IFT56: variants seen among roughly 807,000 people sequenced by gnomAD.
IFT56 encodes intraflagellar transport 56.
At chr7:139,177,611 AGTGTGT>A in the IFT56 span, among the ~76,000 whole-genome samples, 1 of 148,590 alleles carries the variant, frequency 6.7e-6, no homozygotes, top group South Asian at 2.1e-4. Context: ...ATATATATAT[AGTGTGT>A]GTGTGTGTGT....
At chr7:139,164,463 C>CA in the IFT56 span, among the ~76,000 whole-genome samples, 2 of 152,120 alleles carry the variant, frequency 1.3e-5, no homozygotes, top group Non-Finnish European at 2.9e-5. Flanking sequence ...GAGAAGTACA[C>CA]AATAAGGGTT....
At chr7:139,133,782 C>A in the IFT56 span, 2 of 1,599,344 alleles carry the variant, frequency 1.3e-6, no homozygotes, top group African/African-American at 1.3e-5. Flanking sequence ...GGAGACAGAA[C>A]GTGCTGTGTG....
At chr7:139,136,107 T>C in the IFT56 span, among the ~76,000 whole-genome samples, 3 of 152,236 alleles carry the variant, frequency 2.0e-5, no homozygotes, top group African/African-American at 7.2e-5. Flanking sequence ...GTATTTTTAG[T>C]AGAGATGGGG....
At chr7:139,159,741 G>GT in the IFT56 span, among the ~76,000 whole-genome samples, 1 of 152,082 alleles carries the variant, frequency 6.6e-6, no homozygotes, top group Non-Finnish European at 1.5e-5. Flanking sequence ...GATAAATACA[G>GT]TTTTTTAAAG....
the IFT56 span, among the ~76,000 whole-genome samples, chr7:139,145,101 A>C: frequency 2.6e-5 from 4 of 152,202 alleles, no homozygotes; most frequent in African/African-American, 7.2e-5. Flanking sequence ...GGGCAAATCA[A>C]CTGATACCTG....
At chr7:139,179,648 G>A in the IFT56 span, 1 of 1,607,206 alleles carries the variant, frequency 6.2e-7, no homozygotes, top group Non-Finnish European at 8.5e-7. Flanking sequence ...GGTGCTGTGA[G>A]TCTTCTTTTT....
At chr7:139,173,638 A>T in the IFT56 span, 1 of 786,526 alleles carries the variant, frequency 1.3e-6, no homozygotes, top group Non-Finnish European at 2.3e-6. Context: ...AAAGGTCAAC[A>T]TTCTTTTCTT....
the IFT56 span, chr7:139,173,733 G>A: frequency 1.3e-6 from 1 of 768,202 alleles, no homozygotes; most frequent in South Asian, 1.3e-5. Flanking sequence ...GCTGCATTGA[G>A]AGCAAAATGC....
chr7:139,133,825 T>A, the IFT56 span: 1 of 1,614,050 alleles, frequency 6.2e-7, no homozygotes, highest in Non-Finnish European at 8.5e-7. Context: ...CGGCCTTCGC[T>A]GTGTGGTGGG....
At chr7:139,146,162 T>C in the IFT56 span, among the ~76,000 whole-genome samples, 1 of 152,254 alleles carries the variant, frequency 6.6e-6, no homozygotes, top group African/African-American at 2.4e-5. Flanking sequence ...CTTTACAAAA[T>C]TTTTAAGCTA....
chr7:139,134,911 C>A, the IFT56 span: 263 of 976,290 alleles, frequency 2.7e-4, no homozygotes, highest in Non-Finnish European at 3.7e-4. Context: ...GCTTCCTGTA[C>A]AAATCCCCTG....
chr7:139,170,297 T>A, the IFT56 span, among the ~76,000 whole-genome samples: 2 of 152,148 alleles, frequency 1.3e-5, no homozygotes, highest in African/African-American at 2.4e-5. Flanking sequence ...GAAAAACTAA[T>A]ACCAATCCTA....
chr7:139,177,800 A>G, the IFT56 span, among the ~76,000 whole-genome samples: 1 of 152,160 alleles, frequency 6.6e-6, no homozygotes, highest in African/African-American at 2.4e-5. Context: ...AATCAGGATC[A>G]GAATCAGATG....
chr7:139,146,998 A>T, the IFT56 span: 132 of 1,529,934 alleles, frequency 8.6e-5, no homozygotes, highest in Admixed American at 2.4e-4. Context: ...AATGAAGTAG[A>T]AGACAAAGAA....
the IFT56 span, among the ~76,000 whole-genome samples, chr7:139,144,929 C>T: frequency 2.0e-5 from 3 of 152,022 alleles, no homozygotes; most frequent in Non-Finnish European, 4.4e-5. Context: ...TCCTGGTTTT[C>T]AGTCAAATGT....
the IFT56 span, among the ~76,000 whole-genome samples, chr7:139,145,695 C>T: frequency 4.0e-5 from 6 of 151,592 alleles, no homozygotes; most frequent in African/African-American, 1.5e-4. Flanking sequence ...GGATTATAGG[C>T]GTGAGCCACT....
chr7:139,168,273 G>A, the IFT56 span: 1 of 990,160 alleles, frequency 1.0e-6, no homozygotes, highest in African/African-American at 1.6e-5. Context: ...TTGAGTTAAT[G>A]CAAGGAGTTA....
At chr7:139,171,949 C>A in the IFT56 span, among the ~76,000 whole-genome samples, 1 of 151,966 alleles carries the variant, frequency 6.6e-6, no homozygotes, top group Non-Finnish European at 1.5e-5. Context: ...TTTAGATCAC[C>A]AAAAATAATG....
At chr7:139,170,518 A>C in the IFT56 span, among the ~76,000 whole-genome samples, 2 of 152,232 alleles carry the variant, frequency 1.3e-5, no homozygotes, top group Non-Finnish European at 2.9e-5. Flanking sequence ...TGACCAACTG[A>C]GATTTATCCC....
Sources: allele counts gnomAD v4.1 joint callset (sites outside exome capture counted in the v4.1 genomes callset), GRCh38; gene constraint gnomAD v4.1.1; transcripts MANE v1.5; gene names NCBI Gene and HGNC (gene_info 2026-07-23, HGNC 2026-07-21).